The following CDH13 variants were observed in gnomAD, a reference collection of about 807,000 sequenced individuals.
CDH13 encodes the protein cadherin-13.
In CDH13, 24 loss-of-function variants were observed where a neutral mutation model predicts 63.8. The ratio of observed to expected loss-of-function variants is 0.38; its 90% CI spans 0.27 to 0.53. The LOEUF is 0.53. CDH13 is among the 20% of genes least tolerant of loss of function. The probability of loss-of-function intolerance (pLI) is 0.85; values close to 1 mark genes in which losing one functional copy is unlikely to be tolerated. For missense variants in CDH13, 1,049 were observed against 903.1 expected (o/e 1.16, Z -2.07); for synonymous variants, 503 against 355.3 (o/e 1.42, Z -4.67).
chr16:83,653,650 G>T (rs1005161492), intron 8 of CDH13, among the ~76,000 whole-genome samples: 6 of 152,172 alleles, frequency 3.9e-5, no homozygotes, highest in Admixed American at 2.0e-4. Flanking sequence ...AACCCAGGAG[G>T]TAAATGAAGA....
At position 83,147,548 on chromosome 16, in the gene CDH13, G is replaced by A. The variant is rs560130636; in HGVS notation, c.483+22047G>A. Among the ~76,000 whole-genome samples, 17 of 152,282 alleles carry A rather than the reference G, an allele frequency of 1.1e-4. No individual in the cohort carries two copies. In the South Asian group the frequency reaches 3.5e-3, roughly 32 times the overall value. Reference sequence around the variant, plus strand: ...CTCCTTTCACGACTATCTTATCACAGCTGTCCTGTTATTTGTGATTCTCCC... The same window carrying A: ...CTCCTTTCACGACTATCTTATCACAACTGTCCTGTTATTTGTGATTCTCCC... On this transcript the variant is annotated intron_variant, in intron 4 of 13. Transcript: ENST00000567109.
At chr16:83,749,918 T>G (rs1912937649) in intron 11 of CDH13, among the ~76,000 whole-genome samples, 1 of 152,202 alleles carries the variant, frequency 6.6e-6, no homozygotes, top group African/African-American at 2.4e-5. Context: ...AGGTAGGGCA[T>G]GCTAGTTCTG....
intron 2 of CDH13, among the ~76,000 whole-genome samples, chr16:82,974,617 A>C (rs541518613): frequency 6.6e-6 from 1 of 152,168 alleles, no homozygotes; most frequent in South Asian, 2.1e-4. Context: ...TTGAGAGATC[A>C]TGTTGGACGA....
At chr16:83,712,704 A>G (rs16961409) in intron 10 of CDH13, among the ~76,000 whole-genome samples, 1,777 of 152,308 alleles carry the variant, frequency 0.012, 75 homozygotes, top group Admixed American at 0.077. Context: ...CTGGAAAAAG[A>G]CCATATTGCC....
Position 82,790,422 on chromosome 16 carries a change from G to A in CDH13, c.46-67940G>A, listed in dbSNP as rs564675665. Among the ~76,000 whole-genome samples, 23 of 152,206 alleles carry A rather than the reference G, an allele frequency of 1.5e-4. 1 individual carries two copies. In the South Asian group the frequency reaches 4.8e-3, roughly 32 times the overall value. On this transcript the variant is annotated intron_variant, in intron 1 of 13. Coordinates refer to ENST00000567109, the MANE Select transcript of CDH13 (RefSeq NM_001257.5). Reference sequence around the variant, plus strand: ...TGCACTCCAGCCTGGGTGACAGAGTGAGACTCTGTCTCAAAAAAGAAAAAC... The same window carrying A: ...TGCACTCCAGCCTGGGTGACAGAGTAAGACTCTGTCTCAAAAAAGAAAAAC...
chr16:83,585,205 G>T (rs1352870540), intron 7 of CDH13, among the ~76,000 whole-genome samples: 1 of 152,150 alleles, frequency 6.6e-6, no homozygotes, highest in Non-Finnish European at 1.5e-5. Flanking sequence ...CGTGATGCTG[G>T]TAACCTGGGA....
At chr16:83,746,890 G>A (rs1300785294) in intron 10 of CDH13, among the ~76,000 whole-genome samples, 1 of 152,134 alleles carries the variant, frequency 6.6e-6, no homozygotes, top group Non-Finnish European at 1.5e-5. Flanking sequence ...AATCTCAAAA[G>A]AGCAACCTCA....
chr16:82,748,929 A>G (rs1189299283), intron 1 of CDH13, among the ~76,000 whole-genome samples: 7 of 152,208 alleles, frequency 4.6e-5, no homozygotes, highest in Non-Finnish European at 1.0e-4. Context: ...TCAGATCACT[A>G]ATTGTCCGGT....
chr16:82,677,911 A>G (rs1243190804), intron 1 of CDH13, among the ~76,000 whole-genome samples: 1 of 152,150 alleles, frequency 6.6e-6, no homozygotes, highest in Non-Finnish European at 1.5e-5. Context: ...CATATTTGCC[A>G]TCTCTAAATG....
At chr16:82,880,497 A>G (rs1044844655) in intron 2 of CDH13, among the ~76,000 whole-genome samples, 1 of 152,106 alleles carries the variant, frequency 6.6e-6, no homozygotes, top group South Asian at 2.1e-4. Context: ...TATTTTGGTG[A>G]TGGATTTAGG....
intron 2 of CDH13, among the ~76,000 whole-genome samples, chr16:82,917,257 A>G (rs2042018312): frequency 6.6e-6 from 1 of 152,238 alleles, no homozygotes; most frequent in African/African-American, 2.4e-5. Flanking sequence ...AAGCCTGACC[A>G]TGCTGATCTC....
chr16:83,661,709 G>C (rs539334499), intron 8 of CDH13, among the ~76,000 whole-genome samples: 2 of 152,294 alleles, frequency 1.3e-5, no homozygotes, highest in African/African-American at 4.8e-5. Flanking sequence ...TAGAGGAAGA[G>C]TACAGTCACT....
intron 11 of CDH13, among the ~76,000 whole-genome samples, chr16:83,775,795 C>T (rs1915070526): frequency 6.6e-6 from 1 of 152,054 alleles, no homozygotes; most frequent in Non-Finnish European, 1.5e-5. Flanking sequence ...CCCGTCTTCA[C>T]TGTGCCTTGG....
At chr16:82,839,012 C>T (rs187440099) in intron 1 of CDH13, among the ~76,000 whole-genome samples, 153 of 152,332 alleles carry the variant, frequency 1.0e-3, no homozygotes, top group African/African-American at 3.5e-3. Flanking sequence ...CAGACATACA[C>T]AATAGGTAAA....
At chr16:82,895,614 T>C (rs1280041385) in intron 2 of CDH13, among the ~76,000 whole-genome samples, 1 of 152,032 alleles carries the variant, frequency 6.6e-6, no homozygotes, top group African/African-American at 2.4e-5. Flanking sequence ...GCATTCACCA[T>C]CATAGAAACT....
chr16:82,701,860 C>A (rs995344576), intron 1 of CDH13, among the ~76,000 whole-genome samples: 3 of 152,154 alleles, frequency 2.0e-5, no homozygotes, highest in Non-Finnish European at 4.4e-5. Context: ...TAGTCACCTC[C>A]CCTCTTCTGA....
At chr16:83,531,011 G>A (rs529019592) in intron 7 of CDH13, among the ~76,000 whole-genome samples, 2 of 152,188 alleles carry the variant, frequency 1.3e-5, no homozygotes, top group Admixed American at 6.5e-5. Context: ...AAGGGGGAAT[G>A]CTGGCAGTGT....
chr16:82,982,627 C>T (rs1910426025), intron 2 of CDH13, among the ~76,000 whole-genome samples: 2 of 152,096 alleles, frequency 1.3e-5, no homozygotes, highest in Non-Finnish European at 2.9e-5. Context: ...CATTCTTATC[C>T]CCCCAACTAT....
intron 3 of CDH13, among the ~76,000 whole-genome samples, chr16:83,090,451 G>A (rs1187694808): frequency 1.3e-5 from 2 of 151,858 alleles, no homozygotes; most frequent in East Asian, 3.9e-4. Context: ...GTGCACCCCT[G>A]TAATCCCAGC....
Sources: allele counts gnomAD v4.1 joint callset (sites outside exome capture counted in the v4.1 genomes callset), GRCh38; gene constraint gnomAD v4.1.1; transcripts MANE v1.5; gene names NCBI Gene and HGNC (gene_info 2026-07-23, HGNC 2026-07-21).